LRRC4C: variants seen among roughly 807,000 people sequenced by gnomAD.
LRRC4C encodes the protein leucine rich repeat containing 4C, also known as leucine-rich repeat-containing protein 4C.
LRRC4C carries 5 observed loss-of-function variants against 33.6 expected under a neutral mutation model. The observed-to-expected ratio is 0.15, with a 90% CI of 0.08 to 0.31. LRRC4C has a LOEUF of 0.31. Among genes scored for constraint, LRRC4C ranks in the 10% least tolerant of loss-of-function variants. The pLI is 1.00. For missense variants in LRRC4C, 560 were observed against 796.7 expected, an observed-to-expected ratio of 0.70 and a Z score of 3.58; for synonymous variants, 329 against 302.0, an observed-to-expected ratio of 1.09 and a Z score of -0.93.
At chr11:41,015,649 G>A (rs1855528593) in intron 1 of LRRC4C, among the ~76,000 whole-genome samples, 1 of 152,162 alleles carries the variant, frequency 6.6e-6, no homozygotes. Flanking sequence ...GTGAGGACAT[G>A]CAGCTGTGTT....
chr11:40,377,253 T>C (rs928526429), intron 3 of LRRC4C, among the ~76,000 whole-genome samples: 2 of 152,166 alleles, frequency 1.3e-5, no homozygotes, highest in Non-Finnish European at 2.9e-5. Context: ...TTTATCACTC[T>C]TGTCTGATAT....
chr11:41,289,663 G>A (rs146690561), intron 1 of LRRC4C, among the ~76,000 whole-genome samples: 4 of 152,242 alleles, frequency 2.6e-5, no homozygotes, highest in East Asian at 1.9e-4. Flanking sequence ...AACCCTGATC[G>A]CACCTTAGTC....
At chr11:40,721,961 A>T (rs1004455645) in intron 2 of LRRC4C, among the ~76,000 whole-genome samples, 4 of 152,136 alleles carry the variant, frequency 2.6e-5, no homozygotes, top group African/African-American at 7.2e-5. Flanking sequence ...AATAAATAAA[A>T]AATAAAGATT....
chr11:41,286,525 G>C (rs1011730368), intron 1 of LRRC4C, among the ~76,000 whole-genome samples: 1 of 152,160 alleles, frequency 6.6e-6, no homozygotes, highest in African/African-American at 2.4e-5. Context: ...CTTCCAGTGA[G>C]AGCTCTAATA....
chr11:40,115,731 T>C lies in LRRC4C; in HGVS notation c.562A>G (p.Ile188Val). 1 of 1,614,170 alleles carries C rather than the reference T, an allele frequency of 6.2e-7. No individual in the cohort carries two copies. Among genetic ancestry groups the C allele is most frequent in the Non-Finnish European group, 8.5e-7 (1 of 1,180,014 alleles). Reference sequence around the variant, plus strand: ...AGACCTTCAAAGGCACCTTCTGAGATGTATGAAAGTCTTTTCAATTCCCCT... The same window carrying C: ...AGACCTTCAAAGGCACCTTCTGAGACGTATGAAAGTCTTTTCAATTCCCCT... Reference protein sequence around the residue: ...DLGELKRLSYISEGAFEGLSN... With the variant: ...DLGELKRLSYVSEGAFEGLSN... The change falls in exon 7 of 7, where the codon ATC (isoleucine) becomes GTC (valine). Residue 188 changes from isoleucine (I) to valine (V), a missense_variant. Transcript: ENST00000528697. The surrounding 1 kb of genome is among the most constrained non-coding windows in gnomAD (Gnocchi z 6.7).
At chr11:41,366,181 G>A (rs1952529762) in intron 1 of LRRC4C, among the ~76,000 whole-genome samples, 1 of 135,914 alleles carries the variant, frequency 7.4e-6, no homozygotes, top group Non-Finnish European at 1.6e-5. Context: ...TATATATCTA[G>A]ATAGATAGAT....
chr11:40,217,137 A>G (rs1260363520), intron 5 of LRRC4C, among the ~76,000 whole-genome samples: 1 of 152,140 alleles, frequency 6.6e-6, no homozygotes, highest in Non-Finnish European at 1.5e-5. Flanking sequence ...TTTTTTATCT[A>G]TGTACATATG....
chr11:40,471,824 T>C (rs922722330), intron 3 of LRRC4C, among the ~76,000 whole-genome samples: 3 of 152,132 alleles, frequency 2.0e-5, no homozygotes, highest in Admixed American at 6.5e-5. Flanking sequence ...CTAACAGACA[T>C]CTACAGAACT....
rs551281871 is a variant in LRRC4C at position 40,177,441 on chromosome 11, C to T, written c.-95-36588G>A. On this transcript the variant is annotated intron_variant, in intron 5 of 6. Transcript: ENST00000528697. Reference sequence around the variant, plus strand: ...TGCCCATTATCTCTAGGTCTCCTACCTTCTTTATCTTTAGCTCCGACTTCT... The same window carrying T: ...TGCCCATTATCTCTAGGTCTCCTACTTTCTTTATCTTTAGCTCCGACTTCT... Among the ~76,000 whole-genome samples the T allele has an allele frequency of 6.6e-5, 10 of 152,210 alleles. No individual in the cohort carries two copies. The East Asian group carries it at 1.2e-3, about 18-fold the overall frequency.
intron 5 of LRRC4C, among the ~76,000 whole-genome samples, chr11:40,205,683 C>A (rs891378453): frequency 6.6e-6 from 1 of 152,062 alleles, no homozygotes. Context: ...ACGTTCTCAC[C>A]CCTGTCAAAA....
At chr11:40,244,148 A>G (rs1178689780) in intron 4 of LRRC4C, among the ~76,000 whole-genome samples, 1 of 152,150 alleles carries the variant, frequency 6.6e-6, no homozygotes, top group African/African-American at 2.4e-5. Context: ...AATTTGCTTT[A>G]AAGAGCTAGG....
intron 3 of LRRC4C, among the ~76,000 whole-genome samples, chr11:40,538,989 GT>G (rs537855201): frequency 6.6e-6 from 1 of 151,996 alleles, no homozygotes; most frequent in Non-Finnish European, 1.5e-5. Context: ...TGATGGGGTT[GT>G]TTTTTTCTTG....
Position 41,037,282 on chromosome 11 carries a change from G to T in LRRC4C, c.-495-103559C>A, listed in dbSNP as rs200179389. On this transcript the variant is annotated intron_variant, in intron 1 of 6. Transcript: ENST00000528697. ...CTTCCCAATTACCTATCTTTGATGG[G>T]TTTTTTTTTTTCTGATAATGCCTCA... Among the ~76,000 whole-genome samples the T allele has an allele frequency of 2.9e-4, 43 of 148,264 alleles. No individual in the cohort carries two copies. In the East Asian group the frequency reaches 5.2e-3, roughly 18 times the overall value.
At chr11:41,338,968 G>A (rs1372904226) in intron 1 of LRRC4C, among the ~76,000 whole-genome samples, 2 of 151,952 alleles carry the variant, frequency 1.3e-5, no homozygotes, top group African/African-American at 4.8e-5. Flanking sequence ...AATGAAATAC[G>A]AATAATACAA....
At chr11:40,367,573 A>C (rs1382010852) in intron 3 of LRRC4C, among the ~76,000 whole-genome samples, 2 of 152,126 alleles carry the variant, frequency 1.3e-5, no homozygotes, top group Non-Finnish European at 2.9e-5. Context: ...TAGAAGGGGA[A>C]TCATGAAAAG....
intron 1 of LRRC4C, among the ~76,000 whole-genome samples, chr11:41,355,636 C>A (rs1344389367): frequency 6.6e-6 from 1 of 151,930 alleles, no homozygotes; most frequent in African/African-American, 2.4e-5. Context: ...GTTGTTAACT[C>A]TTTTTTTCTG....
chr11:40,852,432 A>T (rs1591891622), intron 2 of LRRC4C, among the ~76,000 whole-genome samples: 1 of 152,254 alleles, frequency 6.6e-6, no homozygotes, highest in Non-Finnish European at 1.5e-5. Context: ...AAAATTTTAG[A>T]TTACTAAATT....
At chr11:40,739,167 TC>T (rs1159049793) in intron 2 of LRRC4C, among the ~76,000 whole-genome samples, 1 of 152,002 alleles carries the variant, frequency 6.6e-6, no homozygotes, top group African/African-American at 2.4e-5. Context: ...GACTTACTCA[TC>T]CTGCTTAACT....
intron 1 of LRRC4C, among the ~76,000 whole-genome samples, chr11:41,231,992 T>C (rs1188375148): frequency 3.9e-5 from 6 of 151,964 alleles, no homozygotes; most frequent in Non-Finnish European, 5.9e-5. Flanking sequence ...TTATTTTTCA[T>C]AGGGTTCTAT....
Sources: gnomAD v4.1 joint callset for allele counts (sites outside exome capture counted in the v4.1 genomes callset) on GRCh38, gnomAD v4.1.1 for gene constraint, Gnocchi (gnomAD v3.1) non-coding constraint, MANE v1.5 for transcripts, NCBI Gene and HGNC (gene_info 2026-07-23, HGNC 2026-07-21) for gene names.